Variants in SOBP observed in about 807,000 individuals in gnomAD.
The protein encoded by SOBP is sine oculis-binding protein homolog.
In SOBP, 4 loss-of-function variants were observed where a neutral mutation model predicts 53.6. That is an observed-to-expected ratio of 0.07 (90% CI 0.04 to 0.17). SOBP has a LOEUF of 0.17. Among genes scored for constraint, SOBP ranks in the 10% least tolerant of loss-of-function variants. SOBP has a pLI of 1.00. For synonymous variants in SOBP, 584 were observed against 522.6 expected (o/e 1.12, Z -1.60); for missense variants, 1,088 against 1,204.7 (o/e 0.90, Z 1.43).
At chr6:107,527,915 C>T (rs1263197566) in intron 3 of SOBP, among the ~76,000 whole-genome samples, 1 of 152,202 alleles carries the variant, frequency 6.6e-6, no homozygotes, top group Non-Finnish European at 1.5e-5. Flanking sequence ...TTAAAAGGCA[C>T]TCTGAACATT....
intron 6 of SOBP, among the ~76,000 whole-genome samples, chr6:107,653,067 C>T (rs531918079): frequency 9.2e-5 from 14 of 152,304 alleles, no homozygotes; most frequent in South Asian, 2.1e-4. Flanking sequence ...GTATCTCCCA[C>T]GTATCTTCAT....
intron 6 of SOBP, among the ~76,000 whole-genome samples, chr6:107,637,539 G>A (rs1156576244): frequency 2.6e-5 from 4 of 152,334 alleles, no homozygotes; most frequent in South Asian, 4.1e-4. Context: ...ATTTCTTCAC[G>A]AGAGTAATTT....
At chr6:107,503,584 A>G in intron 1 of SOBP, 73 bp from the exon 2 acceptor site, 1 of 1,539,864 alleles carries the variant, frequency 6.5e-7, no homozygotes, top group Non-Finnish European at 9.0e-7. Context: ...GGACAAGCAG[A>G]ATTCAATTTA....
intron 3 of SOBP, among the ~76,000 whole-genome samples, chr6:107,516,742 G>T (rs1783332622): frequency 6.6e-6 from 1 of 152,066 alleles, no homozygotes; most frequent in Admixed American, 6.6e-5. Flanking sequence ...AATTTCAAAA[G>T]TGAATCTTAA....
intron 1 of SOBP, among the ~76,000 whole-genome samples, chr6:107,496,367 T>G (rs1316712037): frequency 6.6e-6 from 1 of 152,204 alleles, no homozygotes; most frequent in Non-Finnish European, 1.5e-5. Context: ...TGGCAGCAGA[T>G]TAAAATGTGG....
chr6:107,594,712 C>A (rs988069468), intron 5 of SOBP, among the ~76,000 whole-genome samples: 3 of 152,224 alleles, frequency 2.0e-5, no homozygotes, highest in African/African-American at 7.2e-5. Context: ...TGAGGCACCT[C>A]CAATGAACAA....
At chr6:107,596,034 C>T (rs1291512295) in intron 5 of SOBP, among the ~76,000 whole-genome samples, 4 of 152,178 alleles carry the variant, frequency 2.6e-5, no homozygotes, top group African/African-American at 9.7e-5. Context: ...GGAACTGAGA[C>T]TTTTGCCAGA....
At chr6:107,549,049 T>C (rs755419488) in intron 4 of SOBP, among the ~76,000 whole-genome samples, 2 of 152,062 alleles carry the variant, frequency 1.3e-5, no homozygotes, top group Non-Finnish European at 2.9e-5. Context: ...GGGCAGATCA[T>C]GAGTTCAGGA....
chr6:107,520,708 C>G (rs1484017917), intron 3 of SOBP, among the ~76,000 whole-genome samples: 1 of 152,126 alleles, frequency 6.6e-6, no homozygotes, highest in Non-Finnish European at 1.5e-5. Context: ...TCTTGTTATT[C>G]TAGGGACAGT....
chr6:107,591,820 C>CCCCCCATG (rs1367331172), intron 5 of SOBP, among the ~76,000 whole-genome samples: 1 of 148,326 alleles, frequency 6.7e-6, no homozygotes, highest in Non-Finnish European at 1.5e-5. Context: ...ATATAATGAA[C>CCCCCCATG]CCCCATGTTC....
chr6:107,531,698 G>C (rs564510307), intron 3 of SOBP, among the ~76,000 whole-genome samples: 1 of 152,088 alleles, frequency 6.6e-6, no homozygotes, highest in East Asian at 1.9e-4. Flanking sequence ...ATTAAATACA[G>C]TAATTGTTTG....
intron 6 of SOBP, among the ~76,000 whole-genome samples, chr6:107,644,325 A>C (rs1771464390): frequency 6.6e-6 from 1 of 152,036 alleles, no homozygotes; most frequent in African/African-American, 2.4e-5. Context: ...CAAACAAAAA[A>C]CTTCCCATTA....
At chr6:107,528,611 A>G (rs561449887) in intron 3 of SOBP, among the ~76,000 whole-genome samples, 10 of 152,336 alleles carry the variant, frequency 6.6e-5, no homozygotes, top group African/African-American at 9.6e-5. Context: ...TTGAAAATCA[A>G]TCAACAAATA....
chr6:107,557,974 A>T (rs534245165), intron 4 of SOBP: 12 of 152,230 alleles, frequency 7.9e-5, no homozygotes, highest in Admixed American at 2.0e-4. Flanking sequence ...CATTCATTGT[A>T]TCTAGAGTGT....
At chr6:107,507,284 C>G (rs1184416202) in intron 3 of SOBP, among the ~76,000 whole-genome samples, 2 of 152,004 alleles carry the variant, frequency 1.3e-5, no homozygotes, top group Non-Finnish European at 1.5e-5. Flanking sequence ...CTTAAAACAT[C>G]ATGAGATTTT....
rs745943268 is a variant in SOBP, at chr6:107,635,404, C to G, written c.2560C>G (p.Pro854Ala). Residue 854 changes from proline to alanine, a missense_variant, in exon 6 of 7, where the codon CCT (proline) becomes GCT (alanine). Physicochemically the swap from Pro to Ala is conservative, Grantham distance 27. Transcript: ENST00000317357. The surrounding 1 kb of genome is among the most constrained non-coding windows in gnomAD (Gnocchi z 4.5). ...IISSPMLSAG[P>A]EDLEPPLKRR... is the part of the protein sequence containing the mutation. ...CTCCTCGCCCATGCTCAGCGCCGGG[C>G]CTGAGGACCTGGAGCCGCCGCTCAA... is the stretch of plus-strand genomic sequence containing the variant. The G allele has an allele frequency of 7.4e-6, 12 of 1,613,262 alleles. No individual in the cohort carries two copies. The highest frequency in any genetic ancestry group is 1.0e-5 in the Non-Finnish European group (12 of 1,180,022).
chr6:107,598,810 A>G (rs755538568), intron 5 of SOBP, among the ~76,000 whole-genome samples: 188 of 152,334 alleles, frequency 1.2e-3, no homozygotes, highest in Non-Finnish European at 1.6e-3. Context: ...TTGGTCATCA[A>G]GTTTTTATGA....
At chr6:107,633,322 G>C (rs1270012191) in intron 5 of SOBP, among the ~76,000 whole-genome samples, 192 bp from the exon 6 acceptor site, 1 of 152,176 alleles carries the variant, frequency 6.6e-6, no homozygotes, top group Non-Finnish European at 1.5e-5. Flanking sequence ...GTATTCTGAA[G>C]AGCTCATATT....
At position 107,634,010 on chromosome 6, in the gene SOBP, A is replaced by G. The variant is rs1002410753; in HGVS notation, c.1166A>G (p.Asn389Ser). Residue 389 changes from asparagine (N) to serine (S), a missense_variant, in exon 6 of 7, where the codon AAC becomes AGC. By Grantham distance (46) the Asn-to-Ser change is conservative. Transcript: ENST00000317357. The surrounding 1 kb of genome is among the most constrained non-coding windows in gnomAD (Gnocchi z 4.5). Reference sequence around the variant, plus strand: ...CGGAGCCCTCCCATGGTGATGACCAACCGCGGCCCGGTGCCGCTGCCCATC... The same window carrying G: ...CGGAGCCCTCCCATGGTGATGACCAGCCGCGGCCCGGTGCCGCTGCCCATC... ...PPRSPPMVMT[N>S]RGPVPLPIFM... 1.2e-6 allele frequency: 2 copies of G among 1,613,122 alleles called. No individual in the cohort carries two copies. Among genetic ancestry groups the G allele is most frequent in the South Asian group, 2.2e-5 (2 of 91,014 alleles).
Sources: gnomAD v4.1 joint callset for allele counts (sites outside exome capture counted in the v4.1 genomes callset) on GRCh38, gnomAD v4.1.1 for gene constraint, Gnocchi (gnomAD v3.1) non-coding constraint, MANE v1.5 for transcripts, NCBI Gene and HGNC (gene_info 2026-07-23, HGNC 2026-07-21) for gene names.